The following SLCO1B3 variants were observed in gnomAD, a reference collection of about 807,000 sequenced individuals.
SLCO1B3 encodes the protein liver-specific organic anion transporter 2.
A neutral mutation model predicts 71.8 loss-of-function variants in SLCO1B3; 72 were observed. That is an observed-to-expected ratio of 1.00 (90% CI 0.83 to 1.22). The LOEUF (loss-of-function observed/expected upper bound fraction) is 1.22, where lower values mean the gene tolerates loss of function less well. Among genes scored for constraint, SLCO1B3 ranks in the 50% most tolerant of loss-of-function variants. SLCO1B3 has a pLI of 0.00. For missense variants in SLCO1B3, 911 were observed against 819.7 expected, an observed-to-expected ratio of 1.11 and a Z score of -1.36; for synonymous variants, 298 against 278.4, an observed-to-expected ratio of 1.07 and a Z score of -0.70.
At chr12:20,907,948 TC>T (rs1866288073) in intron 15 of SLCO1B3, among the ~76,000 whole-genome samples, 1 of 152,148 alleles carries the variant, frequency 6.6e-6, no homozygotes, top group South Asian at 2.1e-4. Context: ...CCCCAGAATC[TC>T]CCCGAAGCAA....
intron 3 of SLCO1B3, among the ~76,000 whole-genome samples, chr12:20,835,686 A>T (rs1233678877): frequency 6.6e-6 from 1 of 152,152 alleles, no homozygotes; most frequent in African/African-American, 2.4e-5. Context: ...CCATTCAACA[A>T]GTCTCTTGGA....
At chr12:20,829,906 G>T (rs993134483) in intron 3 of SLCO1B3, among the ~76,000 whole-genome samples, 3 of 152,118 alleles carry the variant, frequency 2.0e-5, no homozygotes, top group Admixed American at 2.0e-4. Context: ...CAGTGAGGAT[G>T]ACCAGAAGTC....
In SLCO1B3 at chr12:20,916,881, G is replaced by C. The variant is rs1866511994; in HGVS notation, c.*634G>C. The C allele has an allele frequency of 6.6e-6, 1 of 152,012 alleles. No individual in the cohort carries two copies. Among genetic ancestry groups the C allele is most frequent in the Non-Finnish European group, 1.5e-5 (1 of 68,010 alleles). 9.4% of individuals were successfully genotyped at this position (152,012 alleles called of 1,614,324 possible). A position where few individuals can be genotyped will look rare whatever the true frequency, so the allele number is the denominator to read the frequency against. On this transcript the variant is annotated 3_prime_UTR_variant, in exon 16 of 16. Coordinates refer to ENST00000381545, the MANE Select transcript of SLCO1B3 (RefSeq NM_019844.4). ...TACTGGACCCATGGAAGTGGATTAA[G>C]AAAAACCGACTTTAGCTTGAGAAAG... is the stretch of plus-strand genomic sequence containing the variant.
chr12:20,879,199 T>TTC (rs1310335706), intron 10 of SLCO1B3, among the ~76,000 whole-genome samples: 1 of 115,356 alleles, frequency 8.7e-6, no homozygotes, highest in Non-Finnish European at 1.9e-5. Context: ...TGTGCCACCC[T>TTC]TCTCTCTTTT....
chr12:20,847,031 A>G (rs906164276), intron 3 of SLCO1B3, among the ~76,000 whole-genome samples: 7 of 152,246 alleles, frequency 4.6e-5, no homozygotes, highest in African/African-American at 1.4e-4. Context: ...GTAGTTCACA[A>G]TTTTAATAAA....
chr12:20,812,274 T>C (rs1254825816), intron 1 of SLCO1B3, among the ~76,000 whole-genome samples: 1 of 152,030 alleles, frequency 6.6e-6, no homozygotes, highest in Non-Finnish European at 1.5e-5. Flanking sequence ...TTTTTCTGGA[T>C]GGGTATTTTA....
At chr12:20,868,997 A>G (rs1405909154) in intron 8 of SLCO1B3, among the ~76,000 whole-genome samples, 1 of 152,094 alleles carries the variant, frequency 6.6e-6, no homozygotes, top group Non-Finnish European at 1.5e-5. Flanking sequence ...AGTGTACAGG[A>G]TGGAACATGA....
rs1783924035 is a variant in SLCO1B3, at chr12:20,858,531, G to A, written c.319G>A (p.Gly107Arg). ...IGIGCLLMGT[G>R]SILTSLPHFF... ...AATTGGTTGTCTCCTTATGGGAACT[G>A]GAAGTATTTTGACATCTTTACCACA... is the stretch of plus-strand genomic sequence containing the variant. The change falls in exon 5 of 16, where the codon GGA becomes AGA. Residue 107 changes from glycine (G) to arginine (R), a missense_variant. Transcript: ENST00000381545. The A allele has an allele frequency of 1.2e-6, 2 of 1,605,292 alleles. No homozygotes were observed. The highest frequency in any genetic ancestry group is 1.3e-5 in the African/African-American group (1 of 74,912).
At chr12:20,839,877 C>A (rs771549812) in intron 3 of SLCO1B3, among the ~76,000 whole-genome samples, 1 of 152,078 alleles carries the variant, frequency 6.6e-6, no homozygotes, top group Non-Finnish European at 1.5e-5. Context: ...CTTTTTACTT[C>A]TGCAGATTTT....
chr12:20,909,405 C>T lies in SLCO1B3; in HGVS notation c.1866-6599C>T, dbSNP rs191079271. On this transcript the variant is annotated intron_variant, in intron 15 of 15. Transcript: ENST00000381545. ...AGCCAGGATGGTCTTGATCTCCTGACCTTGTGATCCGCCCGCCTTGGCCTC... is the reference window on the plus strand; with the variant it reads ...AGCCAGGATGGTCTTGATCTCCTGATCTTGTGATCCGCCCGCCTTGGCCTC... Among the ~76,000 whole-genome samples, 15 of 151,030 alleles carry T rather than the reference C, an allele frequency of 9.9e-5. No individual in the cohort carries two copies. The East Asian group carries it at 2.9e-3, about 30-fold the overall frequency.
intron 3 of SLCO1B3, among the ~76,000 whole-genome samples, chr12:20,826,603 A>T (rs1473326764): frequency 6.6e-6 from 1 of 151,528 alleles, no homozygotes; most frequent in African/African-American, 2.4e-5. Context: ...ATTACAATTT[A>T]TACAAATCAT....
At chr12:20,903,881 G>A (rs896108838) in intron 15 of SLCO1B3, among the ~76,000 whole-genome samples, 4 of 152,118 alleles carry the variant, frequency 2.6e-5, no homozygotes, top group Admixed American at 2.6e-4. Context: ...AAAGCCCACA[G>A]TCCAAAGTCT....
chr12:20,870,461 T>A (rs2121278757), intron 8 of SLCO1B3, among the ~76,000 whole-genome samples: 1 of 152,332 alleles, frequency 6.6e-6, no homozygotes, highest in South Asian at 2.1e-4. Context: ...ATTTTATAGT[T>A]TCTAGTTTTA....
chr12:20,884,119 C>A (rs1157973138), intron 13 of SLCO1B3, among the ~76,000 whole-genome samples: 1 of 152,192 alleles, frequency 6.6e-6, no homozygotes, highest in East Asian at 1.9e-4. Flanking sequence ...TAATTCATTC[C>A]TTTTTTCACT....
intron 15 of SLCO1B3, among the ~76,000 whole-genome samples, chr12:20,908,691 C>T (rs1222655822): frequency 6.6e-6 from 1 of 152,088 alleles, no homozygotes; most frequent in Non-Finnish European, 1.5e-5. Flanking sequence ...ATTTAAGTTT[C>T]CTGTACTTGT....
Position 20,825,175 on chromosome 12 carries a change from A to G in SLCO1B3, c.84+9353A>G, listed in dbSNP as rs116296103. ...TTAAATTAAAAAGTGGGTTAATGCT[A>G]TAAGAACCTTGTTTATCTAACGCAG... On this transcript the variant is annotated intron_variant, in intron 3 of 15. Coordinates refer to ENST00000381545, the MANE Select transcript of SLCO1B3 (RefSeq NM_019844.4). Among the ~76,000 whole-genome samples the G allele has an allele frequency of 6.2e-3, 939 of 152,294 alleles. 7 individuals are homozygous for G. Among genetic ancestry groups the G allele is most frequent in the African/African-American group, 0.022 (912 of 41,560 alleles).
chr12:20,828,302 T>A (rs1455800054), intron 3 of SLCO1B3, among the ~76,000 whole-genome samples: 3 of 140,742 alleles, frequency 2.1e-5, no homozygotes, highest in African/African-American at 5.3e-5. Flanking sequence ...ACTATTTTAG[T>A]AAAAAAAAAA....
At chr12:20,867,273 G>T (rs1865391320) in intron 8 of SLCO1B3, among the ~76,000 whole-genome samples, 1 of 152,132 alleles carries the variant, frequency 6.6e-6, no homozygotes, top group Non-Finnish European at 1.5e-5. Context: ...AGTCTGAAAA[G>T]ATTACACCGT....
intron 13 of SLCO1B3, among the ~76,000 whole-genome samples, chr12:20,888,800 A>G (rs940896000): frequency 1.3e-5 from 2 of 151,956 alleles, no homozygotes; most frequent in Admixed American, 1.3e-4. Flanking sequence ...ATTTTCCCCC[A>G]TTCAGTATGT....
Sources: gnomAD v4.1 joint callset for allele counts (sites outside exome capture counted in the v4.1 genomes callset) on GRCh38, gnomAD v4.1.1 for gene constraint, MANE v1.5 for transcripts, NCBI Gene and HGNC (gene_info 2026-07-23, HGNC 2026-07-21) for gene names.